CAMKMT: variants seen among roughly 807,000 people sequenced by gnomAD.
CAMKMT encodes CaM KMT.
In CAMKMT, 53 loss-of-function variants were observed where a neutral mutation model predicts 48.0. That is an observed-to-expected ratio of 1.10 (90% CI 0.89 to 1.39). CAMKMT has a LOEUF of 1.39. CAMKMT is among the 40% of genes most tolerant of loss of function. The probability of loss-of-function intolerance (pLI) is 0.00; values close to 1 mark genes in which losing one functional copy is unlikely to be tolerated. For missense variants in CAMKMT, 428 were observed against 402.7 expected (o/e 1.06, Z -0.54); for synonymous variants, 165 against 152.3 (o/e 1.08, Z -0.61).
chr2:44,525,649 C>T (rs148487955), intron 3 of CAMKMT, among the ~76,000 whole-genome samples: 31 of 152,184 alleles, frequency 2.0e-4, no homozygotes, highest in African/African-American at 7.2e-4. Flanking sequence ...TTTATACCAT[C>T]GTATGTCATG....
At chr2:44,709,639 C>A (rs1677765012) in intron 6 of CAMKMT, among the ~76,000 whole-genome samples, 1 of 151,940 alleles carries the variant, frequency 6.6e-6, no homozygotes, top group Non-Finnish European at 1.5e-5. Flanking sequence ...TATTTGCATG[C>A]CCACTTTCTG....
intron 7 of CAMKMT, among the ~76,000 whole-genome samples, chr2:44,721,301 C>A (rs999708892): frequency 6.6e-6 from 1 of 152,050 alleles, no homozygotes; most frequent in Non-Finnish European, 1.5e-5. Flanking sequence ...CTTAAAATTT[C>A]TTAAGAGATG....
intron 3 of CAMKMT, among the ~76,000 whole-genome samples, chr2:44,668,435 G>A (rs537784860): frequency 1.1e-4 from 17 of 152,114 alleles, no homozygotes; most frequent in South Asian, 1.0e-3. Flanking sequence ...TCTGCTGATC[G>A]ACTCCTATCA....
intron 3 of CAMKMT, among the ~76,000 whole-genome samples, chr2:44,493,905 C>T (rs1311005348): frequency 6.6e-6 from 1 of 152,158 alleles, no homozygotes; most frequent in Non-Finnish European, 1.5e-5. Flanking sequence ...TTTTACTCTT[C>T]AAGTGACATT....
At chr2:44,748,581 C>G (rs907089798) in intron 8 of CAMKMT, among the ~76,000 whole-genome samples, 15 of 152,088 alleles carry the variant, frequency 9.9e-5, no homozygotes, top group Admixed American at 2.0e-4. Flanking sequence ...TATTAAAACT[C>G]AAGATATTGG....
intron 2 of CAMKMT, among the ~76,000 whole-genome samples, chr2:44,379,994 CAT>C (rs1680080491): frequency 6.6e-6 from 1 of 151,994 alleles, no homozygotes; most frequent in African/African-American, 2.4e-5. Flanking sequence ...TGAGGTGTAA[CAT>C]GTCTATTTTT....
intron 3 of CAMKMT, among the ~76,000 whole-genome samples, chr2:44,532,941 T>C (rs974020745): frequency 6.6e-6 from 1 of 151,620 alleles, no homozygotes; most frequent in Non-Finnish European, 1.5e-5. Flanking sequence ...GCCTCCTGAG[T>C]AGCTGGGATT....
intron 3 of CAMKMT, among the ~76,000 whole-genome samples, chr2:44,553,766 A>G (rs1667853270): frequency 6.6e-6 from 1 of 152,180 alleles, no homozygotes; most frequent in South Asian, 2.1e-4. Flanking sequence ...TTCTTTTTCT[A>G]TTCTAATTAT....
chr2:44,632,254 A>T (rs938465154), intron 3 of CAMKMT, among the ~76,000 whole-genome samples: 6 of 152,192 alleles, frequency 3.9e-5, no homozygotes, highest in African/African-American at 7.2e-5. Flanking sequence ...GTCTGCTAGT[A>T]ATATCATCTT....
chr2:44,428,547 G>A (rs903934717), intron 3 of CAMKMT, among the ~76,000 whole-genome samples: 2 of 152,168 alleles, frequency 1.3e-5, no homozygotes, highest in African/African-American at 2.4e-5. Flanking sequence ...TGGAACCCTC[G>A]CCAGGGACCC....
rs182013638 is a variant in CAMKMT, at chr2:44,746,045, C to T, written c.698+2349C>T. Among the ~76,000 whole-genome samples the T allele has an allele frequency of 1.6e-4, 25 of 152,282 alleles. No homozygotes were observed. In the East Asian group the frequency reaches 3.3e-3, roughly 20 times the overall value. On this transcript the variant is annotated intron_variant, in intron 8 of 10. Transcript: ENST00000378494. ...CTCTCTTTAGACACTACCTCCAAGA[C>T]GAAACCTGAAATCCTCAGTGTCAGG...
At chr2:44,643,980 C>G (rs781151360) in intron 3 of CAMKMT, among the ~76,000 whole-genome samples, 1 of 152,174 alleles carries the variant, frequency 6.6e-6, no homozygotes, top group Non-Finnish European at 1.5e-5. Flanking sequence ...CAGCAATCCA[C>G]TCATATAGTG....
At chr2:44,522,169 A>T (rs1671151404) in intron 3 of CAMKMT, among the ~76,000 whole-genome samples, 1 of 151,814 alleles carries the variant, frequency 6.6e-6, no homozygotes, top group African/African-American at 2.4e-5. Context: ...ACTCCTGGCT[A>T]ATTTTTTGTA....
chr2:44,503,823 A>G (rs1330729895), intron 3 of CAMKMT, among the ~76,000 whole-genome samples: 1 of 152,150 alleles, frequency 6.6e-6, no homozygotes, highest in East Asian at 1.9e-4. Context: ...TAGGAAATCT[A>G]AGATCAAGGT....
At position 44,707,380 on chromosome 2, in the gene CAMKMT, G is replaced by T. The variant is rs757122701; in HGVS notation, c.493-19G>T. ...AGCATATTTGCTCATTGTTTGCTGT[G>T]CTCCCTTTTTTTTTTCAGGTTGCTA... On this transcript the variant is annotated intron_variant, in intron 5 of 10. Coordinates refer to ENST00000378494, the MANE Select transcript of CAMKMT (RefSeq NM_024766.5). 3.7e-6 allele frequency: 6 copies of T among 1,610,126 alleles called. No individual in the cohort carries two copies. In the South Asian group the frequency reaches 6.6e-5, roughly 18 times the overall value.
At chr2:44,721,353 G>A (rs1678452905) in intron 7 of CAMKMT, among the ~76,000 whole-genome samples, 2 of 152,186 alleles carry the variant, frequency 1.3e-5, no homozygotes, top group South Asian at 4.2e-4. Flanking sequence ...TATCTTTTCA[G>A]CACCTATGGA....
chr2:44,455,393 G>C (rs1010933253), intron 3 of CAMKMT, among the ~76,000 whole-genome samples: 2 of 152,178 alleles, frequency 1.3e-5, no homozygotes, highest in Non-Finnish European at 2.9e-5. Context: ...GCAGGAAGAA[G>C]AGAAGAAATT....
chr2:44,511,855 C>T (rs189716251), intron 3 of CAMKMT, among the ~76,000 whole-genome samples: 14 of 152,228 alleles, frequency 9.2e-5, no homozygotes, highest in Non-Finnish European at 1.9e-4. Context: ...CCTTGACCAC[C>T]CTATTTAATA....
At position 44,588,627 on chromosome 2, in the gene CAMKMT, C is replaced by A. The variant is rs1468837963; in HGVS notation, c.377-115656C>A. 4.5e-5 allele frequency among the ~76,000 whole-genome samples: 2 copies of A among 44,132 alleles called. 1 individual carries two copies. The highest frequency in any genetic ancestry group is 9.5e-5 in the Non-Finnish European group (2 of 21,046). The allele number at this position is 44,132 out of a possible 152,430, so 29.0% of individuals were successfully genotyped here. ...GGGGGTCAGCCCCCCGCCCGGCCAG[C>A]CGCCCAGTCCGGGAGGGAGGTGGGG... is the stretch of plus-strand genomic sequence containing the variant. On this transcript the variant is annotated intron_variant, in intron 3 of 10. Transcript: ENST00000378494.
Sources: allele counts gnomAD v4.1 joint callset (sites outside exome capture counted in the v4.1 genomes callset), GRCh38; gene constraint gnomAD v4.1.1; transcripts MANE v1.5; gene names NCBI Gene and HGNC (gene_info 2026-07-23, HGNC 2026-07-21).